MAPK14: variants seen among roughly 807,000 people sequenced by gnomAD.
MAPK14 encodes mitogen-activated protein kinase 14, also known as CSAID-binding protein.
A neutral mutation model predicts 49.6 loss-of-function variants in MAPK14; 16 were observed. The ratio of observed to expected loss-of-function variants is 0.32; its 90% confidence interval spans 0.22 to 0.49. The LOEUF (loss-of-function observed/expected upper bound fraction) is 0.49. Ranked by LOEUF, MAPK14 falls within the 20% of genes least tolerant of loss-of-function variation. MAPK14 has a pLI of 0.99. For synonymous variants in MAPK14, 142 were observed against 158.0 expected (o/e 0.90, Z 0.76); for missense variants, 200 against 441.2 (o/e 0.45, Z 4.90).
At chr6:36,046,842 C>A (rs1260698292) in intron 1 of MAPK14, among the ~76,000 whole-genome samples, 1 of 152,194 alleles carries the variant, frequency 6.6e-6, no homozygotes, top group African/African-American at 2.4e-5. Context: ...CTTATTTCTT[C>A]CCCAGTTAAT....
intron 1 of MAPK14, among the ~76,000 whole-genome samples, chr6:36,036,933 G>A (rs959290338): frequency 1.3e-5 from 2 of 151,970 alleles, no homozygotes; most frequent in South Asian, 4.1e-4. Context: ...TAGAGATGGG[G>A]TTTCACCATG....
At chr6:36,069,155 G>A (rs1439029301) in intron 3 of MAPK14, among the ~76,000 whole-genome samples, 1 of 152,122 alleles carries the variant, frequency 6.6e-6, no homozygotes, top group East Asian at 1.9e-4. Context: ...TATTAGGCAT[G>A]TCTTTACTAA....
chr6:36,055,908 G>A (rs1763573696), intron 2 of MAPK14, among the ~76,000 whole-genome samples: 1 of 152,084 alleles, frequency 6.6e-6, no homozygotes, highest in African/African-American at 2.4e-5. Context: ...TTAATGGAGT[G>A]AGGGATATTT....
intron 3 of MAPK14, among the ~76,000 whole-genome samples, chr6:36,062,006 G>A (rs530798697): frequency 6.6e-6 from 1 of 151,996 alleles, no homozygotes; most frequent in South Asian, 2.1e-4. Context: ...ACAGCGTCTT[G>A]CCCTGTTGTC....
intron 3 of MAPK14, among the ~76,000 whole-genome samples, chr6:36,068,840 G>A (rs1027623225): frequency 1.3e-5 from 2 of 152,112 alleles, no homozygotes; most frequent in Non-Finnish European, 2.9e-5. Flanking sequence ...TTATGACAGA[G>A]TTCTTCCTTC....
chr6:36,035,122 C>T, intron 1 of MAPK14, among the ~76,000 whole-genome samples: 1 of 152,128 alleles, frequency 6.6e-6, no homozygotes, highest in Non-Finnish European at 1.5e-5. Flanking sequence ...TGGTCTCGAA[C>T]TCCTGACCTT....
At chr6:36,046,068 A>C (rs1763168514) in intron 1 of MAPK14, among the ~76,000 whole-genome samples, 1 of 152,202 alleles carries the variant, frequency 6.6e-6, no homozygotes, top group Non-Finnish European at 1.5e-5. Context: ...AAGGGGAGGC[A>C]AGTATGAATG....
At chr6:36,119,256 A>G in the MAPK14 span, among the ~76,000 whole-genome samples, 87 of 152,342 alleles carry the variant, frequency 5.7e-4, 1 homozygote, top group South Asian at 0.014. Context: ...TAAATGGAGA[A>G]AGGCTTTCAA....
chr6:36,092,496 G>T, intron 8 of MAPK14: 1 of 571,850 alleles, frequency 1.7e-6, no homozygotes, highest in Non-Finnish European at 3.3e-6. Context: ...TTTCCTGGTT[G>T]TATGTTTCAC....
the MAPK14 span, among the ~76,000 whole-genome samples, chr6:36,117,715 A>G: frequency 6.6e-6 from 1 of 152,232 alleles, no homozygotes; most frequent in South Asian, 2.1e-4. Flanking sequence ...TAAATGAGTT[A>G]AGACATGAAA....
chr6:36,105,930 T>C (rs1414016443), intron 10 of MAPK14, among the ~76,000 whole-genome samples: 1 of 152,216 alleles, frequency 6.6e-6, no homozygotes, highest in African/African-American at 2.4e-5. Flanking sequence ...ATTTGAAATA[T>C]AGAGTTAGAC....
At chr6:36,037,198 GT>G (rs1762786946) in intron 1 of MAPK14, among the ~76,000 whole-genome samples, 1 of 152,136 alleles carries the variant, frequency 6.6e-6, no homozygotes, top group South Asian at 2.1e-4. Flanking sequence ...GATATTCACT[GT>G]GTTGTGGTTG....
intron 1 of MAPK14, among the ~76,000 whole-genome samples, chr6:36,043,203 A>G (rs542636430): frequency 6.6e-5 from 10 of 152,336 alleles, no homozygotes; most frequent in Admixed American, 3.3e-4. Context: ...TTGTTTTGTG[A>G]TTAAATAAAT....
At chr6:36,079,553 A>C (rs578103690) in intron 8 of MAPK14, among the ~76,000 whole-genome samples, 1 of 152,130 alleles carries the variant, frequency 6.6e-6, no homozygotes. Flanking sequence ...CAAATTTGTG[A>C]TGGGCTGCAT....
intron 3 of MAPK14, among the ~76,000 whole-genome samples, chr6:36,065,547 T>TGTGTGTGTGTGTGTGTG (rs1581777404): frequency 2.1e-5 from 3 of 145,318 alleles, no homozygotes; most frequent in East Asian, 2.2e-4. Flanking sequence ...TGTGTGTGTG[T>TGTGTGTGTGTGTGTGTG]TTGGTGGGAA....
At chr6:36,040,286 A>T (rs7760578) in intron 1 of MAPK14, among the ~76,000 whole-genome samples, 111 of 152,166 alleles carry the variant, frequency 7.3e-4, no homozygotes, top group African/African-American at 2.3e-3. Context: ...ACAACCAAAA[A>T]TGTCTAGACA....
Position 36,108,653 on chromosome 6 carries a change from G to A in MAPK14, c.*206G>A, listed in dbSNP as rs201606128. 1.0e-4 allele frequency: 60 copies of A among 578,726 alleles called. No individual in the cohort carries two copies. The highest frequency in any genetic ancestry group is 3.4e-4 in the Admixed American group (12 of 35,654). The allele number at this position is 578,726 out of a possible 1,614,324, so 35.8% of individuals were successfully genotyped here. ...GGGTAAGACAATATGAACAAACTAT[G>A]ATCACAGTGACTTTACAGGAGGTTG... is the stretch of plus-strand genomic sequence containing the variant. On this transcript the variant is annotated 3_prime_UTR_variant, in exon 12 of 12. Coordinates refer to ENST00000229794, the MANE Select transcript of MAPK14 (RefSeq NM_139012.3).
chr6:36,072,691 G>T (rs1042891936), intron 3 of MAPK14, among the ~76,000 whole-genome samples, 182 bp from the exon 4 acceptor site: 7 of 152,052 alleles, frequency 4.6e-5, no homozygotes, highest in Non-Finnish European at 8.8e-5. Flanking sequence ...CGTGAACCTG[G>T]GAGGCAGAGG....
At chr6:36,080,861 T>TA (rs1197424105) in intron 8 of MAPK14, among the ~76,000 whole-genome samples, 1 of 152,066 alleles carries the variant, frequency 6.6e-6, no homozygotes, top group Admixed American at 6.6e-5. Context: ...TTTTTTTTTT[T>TA]AATAGTCACC....
Sources: gnomAD v4.1 joint callset for allele counts (sites outside exome capture counted in the v4.1 genomes callset) on GRCh38, gnomAD v4.1.1 for gene constraint, MANE v1.5 for transcripts, NCBI Gene and HGNC (gene_info 2026-07-23, HGNC 2026-07-21) for gene names.